The following OXTR variants were observed in gnomAD, a reference collection of about 807,000 sequenced individuals.
OXTR encodes oxytocin receptor.
OXTR carries 19 observed loss-of-function variants against 23.9 expected under a neutral mutation model. That is an observed-to-expected ratio of 0.80 (90% CI 0.56 to 1.17). OXTR has a LOEUF of 1.17. OXTR is among the 50% of genes most tolerant of loss of function. The pLI is 0.00. For synonymous variants in OXTR, 278 were observed against 250.5 expected, an observed-to-expected ratio of 1.11 and a Z score of -1.04; for missense variants, 500 against 550.7, an observed-to-expected ratio of 0.91 and a Z score of 0.92.
chr3:8,755,043 C>T (rs1708345600), intron 3 of OXTR, among the ~76,000 whole-genome samples: 1 of 152,080 alleles, frequency 6.6e-6, no homozygotes. Context: ...AAGAAATTTG[C>T]TTTGATTTGG....
chr3:8,756,955 G>A (rs1013602361), intron 3 of OXTR, among the ~76,000 whole-genome samples: 2 of 152,212 alleles, frequency 1.3e-5, no homozygotes, highest in Non-Finnish European at 2.9e-5. Context: ...GGTCTGCTAT[G>A]CAGCGAGCAC....
chr3:8,751,467 T>C lies in OXTR; in HGVS notation c.*1510A>G, dbSNP rs1708256457. Reference sequence around the variant, plus strand: ...TAAGAAACCACTGCCTAATTCAAGGTTACAAAGATCTATGCCTATGTTTCT... The same window carrying C: ...TAAGAAACCACTGCCTAATTCAAGGCTACAAAGATCTATGCCTATGTTTCT... On this transcript the variant is annotated 3_prime_UTR_variant, in exon 4 of 4. Transcript: ENST00000316793. 1.3e-5 allele frequency: 2 copies of C among 152,224 alleles called. No homozygotes were observed. Among genetic ancestry groups the C allele is most frequent in the African/African-American group, 4.8e-5 (2 of 41,460 alleles). The allele number at this position is 152,224 out of a possible 1,614,324, so 9.4% of individuals were successfully genotyped here. A position where few individuals can be genotyped will look rare whatever the true frequency, so the allele number is the denominator to read the frequency against.
At chr3:8,754,987 G>T (rs1708344330) in intron 3 of OXTR, among the ~76,000 whole-genome samples, 1 of 152,220 alleles carries the variant, frequency 6.6e-6, no homozygotes, top group African/African-American at 2.4e-5. Flanking sequence ...AAAGAAAAAT[G>T]ATCAATATTA....
At chr3:8,753,276 A>G (rs1423377867) in intron 3 of OXTR, 52 bp from the exon 4 acceptor site, 6 of 1,590,862 alleles carry the variant, frequency 3.8e-6, no homozygotes, top group Non-Finnish European at 5.1e-6. Flanking sequence ...TTAACACTGG[A>G]GCCACTTCCA....
intron 3 of OXTR, among the ~76,000 whole-genome samples, chr3:8,755,566 T>C (rs1708353515): frequency 1.3e-5 from 2 of 152,218 alleles, no homozygotes; most frequent in African/African-American, 4.8e-5. Context: ...TAGCCACCAA[T>C]CCTTCCGCCT....
Position 8,753,170 on chromosome 3 carries a change from G to T in OXTR, c.977C>A (p.Pro326His), listed in dbSNP as rs1240621057. Residue 326 changes from proline (P) to histidine (H), a missense_variant, in exon 4 of 4, where the codon CCC (proline) becomes CAC (histidine). Transcript: ENST00000316793. ...LLASLNSCCN[P>H]WIYMLFTGHL... is the part of the protein sequence containing the mutation. ...GCCCGTGAACAGCATGTAGATCCAG[G>T]GGTTGCAGCAGCTGTTGAGGCTGGC... The T allele has an allele frequency of 6.2e-7, 1 of 1,614,078 alleles. No individual in the cohort carries two copies. The highest frequency in any genetic ancestry group is 8.5e-7 in the Non-Finnish European group (1 of 1,180,050).
At chr3:8,745,918 G>A, downstream of OXTR, 1 of 1,472,990 alleles carries the variant, frequency 6.8e-7, no homozygotes, top group Non-Finnish European at 9.3e-7. The surrounding 1 kb of genome is among the most constrained non-coding windows in gnomAD (Gnocchi z 4.8). Flanking sequence ...GGGCCAGACT[G>A]GTCCCCGGGG....
the OXTR span, chr3:8,742,734 G>A: frequency 3.3e-6 from 1 of 300,378 alleles, no homozygotes; most frequent in Admixed American, 4.5e-5. Flanking sequence ...ATGTGTGGGT[G>A]GGTGGATGGA....
chr3:8,742,418 G>A, the OXTR span: 1 of 408,564 alleles, frequency 2.4e-6, no homozygotes, highest in African/African-American at 2.1e-5. Context: ...ACATACAGAA[G>A]CCATTGGCGG....
chr3:8,759,090 A>G (rs1708434932), intron 3 of OXTR, among the ~76,000 whole-genome samples: 1 of 152,338 alleles, frequency 6.6e-6, no homozygotes, highest in East Asian at 1.9e-4. Flanking sequence ...CAAAATACGC[A>G]TTAAAGTTTG....
At chr3:8,758,758 C>T (rs1218747836) in intron 3 of OXTR, among the ~76,000 whole-genome samples, 1 of 152,152 alleles carries the variant, frequency 6.6e-6, no homozygotes, top group Non-Finnish European at 1.5e-5. Flanking sequence ...CAGCACTGCT[C>T]CAATCTGGTA....
intron 3 of OXTR, among the ~76,000 whole-genome samples, chr3:8,754,602 C>G (rs938113439): frequency 2.0e-5 from 3 of 152,166 alleles, no homozygotes; most frequent in Non-Finnish European, 4.4e-5. Flanking sequence ...ATGAAGAGAA[C>G]AGAGATGTTT....
rs171114 is a variant in OXTR, at chr3:8,768,000, G to A, written c.188C>T (p.Ala63Val). The change falls in exon 3 of 4, where the codon GCG becomes GTG. Residue 63 changes from alanine (A) to valine (V), a missense_variant. By Grantham distance (64) the Ala-to-Val change is moderately conservative. Transcript: ENST00000316793. ...ALSGNACVLL[A>V]LRTTRQKHSR... ...GTGCTTCTGGCGTGTGGTGCGCAGC[G>A]CCAGCAGCACACACGCGTTCCCGCT... 6.2e-7 allele frequency: 1 copy of A among 1,610,576 alleles called. No homozygotes were observed. Among genetic ancestry groups the A allele is most frequent in the South Asian group, 1.1e-5 (1 of 90,498 alleles).
chr3:8,762,630 C>T (rs893344578), intron 3 of OXTR, among the ~76,000 whole-genome samples: 12 of 152,216 alleles, frequency 7.9e-5, no homozygotes, highest in African/African-American at 2.9e-4. Flanking sequence ...CCTGGTCCCC[C>T]ACACCTCGGG....
At chr3:8,745,784 A>G, downstream of OXTR, 1 of 1,614,058 alleles carries the variant, frequency 6.2e-7, no homozygotes, top group South Asian at 1.1e-5. The surrounding 1 kb of genome is among the most constrained non-coding windows in gnomAD (Gnocchi z 4.8). Context: ...CTCACTCTGC[A>G]TCCGCACCTT....
At chr3:8,761,285 C>T (rs114641034) in intron 3 of OXTR, among the ~76,000 whole-genome samples, 10 of 152,234 alleles carry the variant, frequency 6.6e-5, no homozygotes, top group South Asian at 4.1e-4. Context: ...GGCACTGAAC[C>T]CAGAATGCTG....
Position 8,768,242 on chromosome 3 carries a change from G to A in OXTR, c.-55C>T, listed in dbSNP as rs1313540373. On this transcript the variant is annotated 5_prime_UTR_variant, in exon 3 of 4. Coordinates refer to ENST00000316793, the MANE Select transcript of OXTR (RefSeq NM_000916.4). The surrounding 1 kb of genome is among the most constrained non-coding windows in gnomAD (Gnocchi z 5.4). ...TTCGAGCCCTTTACGGCTTGGCGCG[G>A]CTGGGCCGGATCCGGCGTGTCGGAG... 4 of 1,263,456 alleles carry A rather than the reference G, an allele frequency of 3.2e-6. No homozygotes were observed. The highest frequency in any genetic ancestry group is 4.0e-6 in the Non-Finnish European group (4 of 1,009,576). The allele number at this position is 1,263,456 out of a possible 1,614,324, so 78.3% of individuals were successfully genotyped here.
the OXTR span, among the ~76,000 whole-genome samples, chr3:8,744,445 A>ATTTTT: frequency 3.5e-4 from 39 of 111,362 alleles, no homozygotes; most frequent in Non-Finnish European, 4.3e-4. Context: ...TACCCGGCTA[A>ATTTTT]TTTTTTTTTT....
At chr3:8,745,916 C>A, downstream of OXTR, 2 of 1,512,626 alleles carry the variant, frequency 1.3e-6, no homozygotes, top group East Asian at 2.3e-5. This position sits in a 1 kb window ranked among gnomAD's most constrained non-coding sequence, Gnocchi z 4.8. Context: ...GTGGGCCAGA[C>A]TGGTCCCCGG....
Sources: gnomAD v4.1 joint callset for allele counts (sites outside exome capture counted in the v4.1 genomes callset) on GRCh38, gnomAD v4.1.1 for gene constraint, Gnocchi (gnomAD v3.1) non-coding constraint, MANE v1.5 for transcripts, NCBI Gene and HGNC (gene_info 2026-07-23, HGNC 2026-07-21) for gene names.